The following KLHL38 variants were observed in gnomAD, a reference collection of about 807,000 sequenced individuals.
KLHL38 encodes kelch like family member 38, also known as kelch-like protein 38.
In KLHL38, 38 loss-of-function variants were observed where a neutral mutation model predicts 39.6. The observed-to-expected ratio is 0.96, with a 90% CI of 0.74 to 1.26. The LOEUF is 1.26. KLHL38 is among the 50% of genes most tolerant of loss of function. The pLI is 0.00. For synonymous variants in KLHL38, 322 were observed against 302.2 expected, an observed-to-expected ratio of 1.07 and a Z score of -0.68; for missense variants, 803 against 748.1, an observed-to-expected ratio of 1.07 and a Z score of -0.86.
rs1443685355 is a variant in KLHL38, at chr8:123,653,681, G to C, written c.-97C>G. Among the ~76,000 whole-genome samples the C allele has an allele frequency of 6.6e-6, 1 of 152,158 alleles. No individual in the cohort carries two copies. Among genetic ancestry groups the C allele is most frequent in the Non-Finnish European group, 1.5e-5 (1 of 68,036 alleles). On this transcript the variant is annotated 5_prime_UTR_variant, in exon 1 of 4. Transcript: ENST00000684634. ...CTCCAAGGGAAACCATAAACCCCAGGCCTTTCTTTCAGTTGGCAAATGATT... is the reference window on the plus strand; with the variant it reads ...CTCCAAGGGAAACCATAAACCCCAGCCCTTTCTTTCAGTTGGCAAATGATT...
At chr8:123,647,695 G>T (rs1392840049) in intron 2 of KLHL38, among the ~76,000 whole-genome samples, 1 of 152,204 alleles carries the variant, frequency 6.6e-6, no homozygotes. Flanking sequence ...GATATAGGAT[G>T]AATTTCATAT....
rs1330955062 is a variant in KLHL38 at position 123,645,522 on chromosome 8, A to G, written c.*217T>C. 5 of 583,666 alleles carry G rather than the reference A, an allele frequency of 8.6e-6. No individual in the cohort carries two copies. Among genetic ancestry groups the G allele is most frequent in the Non-Finnish European group, 1.5e-5 (5 of 329,006 alleles). The allele number at this position is 583,666 out of a possible 1,614,324, so 36.2% of individuals were successfully genotyped here. A position where few individuals can be genotyped will look rare whatever the true frequency, so the allele number is the denominator to read the frequency against. ...AGAGAAAGAAAGAAGGGGGAAAGAC[A>G]GAGACAGATGGAGGTGGGGGAGAGA... On this transcript the variant is annotated 3_prime_UTR_variant, in exon 4 of 4. Transcript: ENST00000684634.
Position 123,651,892 on chromosome 8 carries a change from C to T in KLHL38, c.1035G>A (p.Gly345=), listed in dbSNP as rs764819514. Residue 345 remains glycine, a synonymous_variant, in exon 2 of 4, where the codon GGG becomes GGA. Coordinates refer to ENST00000684634, the MANE Select transcript of KLHL38 (RefSeq NM_001081675.3). The stretch of plus-strand genomic sequence containing the variant: ...AGACATTGTGACTGACCAGACTCCT[C>T]CCTGAGCTGACAGCCATGCCCCCCA... ...YVLGGMAVSS[G]RSLVSHNVYI... is the part of the protein sequence containing the mutation. 1 of 1,614,192 alleles carries T rather than the reference C, an allele frequency of 6.2e-7. No individual in the cohort carries two copies. Among genetic ancestry groups the T allele is most frequent in the South Asian group, 1.1e-5 (1 of 91,086 alleles).
In KLHL38 at chr8:123,647,019, G is replaced by C; in HGVS notation, c.1351-5C>G. On this transcript the variant is annotated splice_polypyrimidine_tract_variant and splice_region_variant and intron_variant, in intron 2 of 3. Transcript: ENST00000684634. ...GTTTCTGGAAATGTGATAAACCTGA[G>C]GGAGAGAGAGAATCATGGCACTGCA... 6.6e-7 allele frequency: 1 copy of C among 1,504,660 alleles called. No homozygotes were observed. Among genetic ancestry groups the C allele is most frequent in the Non-Finnish European group, 9.2e-7 (1 of 1,082,126 alleles). The allele number at this position is 1,504,660 out of a possible 1,614,324, so 93.2% of individuals were successfully genotyped here. A position where few individuals can be genotyped will look rare whatever the true frequency, so the allele number is the denominator to read the frequency against.
chr8:123,647,946 T>C (rs116460174), intron 2 of KLHL38, among the ~76,000 whole-genome samples: 2,665 of 152,080 alleles, frequency 0.018, 94 homozygotes, highest in African/African-American at 0.061. Flanking sequence ...CTGCGTGTGG[T>C]AGTGCATGCC....
At position 123,652,653 on chromosome 8, in the gene KLHL38, C is replaced by T. The variant is rs200205923; in HGVS notation, c.274G>A (p.Val92Met). The stretch of plus-strand genomic sequence containing the variant: ...GCAATATGTGCCTCCCCCGTATACA[C>T]GTAGGAGACGATCTGGTCCAGGGTT... ...PPTLDQIVSY[V>M]YTGEAHIATD... The change falls in exon 2 of 4, where the codon GTG (valine) becomes ATG (methionine). Residue 92 changes from valine (V) to methionine (M), a missense_variant. By Grantham distance (21) the Val-to-Met change is conservative. Coordinates refer to ENST00000684634, the MANE Select transcript of KLHL38 (RefSeq NM_001081675.3). 1.2e-4 allele frequency: 191 copies of T among 1,614,112 alleles called. No homozygotes were observed. The highest frequency in any genetic ancestry group is 1.5e-4 in the Non-Finnish European group (172 of 1,180,050).
In KLHL38 at chr8:123,645,759, G is replaced by C. The variant is rs758719041; in HGVS notation, c.1726C>G (p.Arg576Gly). The change falls in exon 4 of 4, where the codon CGC becomes GGC. Residue 576 changes from arginine (R) to glycine (G), a missense_variant. Physicochemically the swap from Arg to Gly is moderately radical, Grantham distance 125. Coordinates refer to ENST00000684634, the MANE Select transcript of KLHL38 (RefSeq NM_001081675.3). The part of the protein sequence containing the change: ...HACLTLQCIP[R>G]TSGLP ...CGACCTCATGGGAGGCCAGACGTGC[G>C]GGGTATGCACTGGAGAGTGAGGCAG... The C allele has an allele frequency of 2.0e-5, 33 of 1,613,746 alleles. No homozygotes were observed. Among genetic ancestry groups the C allele is most frequent in the Non-Finnish European group, 2.8e-5 (33 of 1,179,788 alleles).
chr8:123,652,249 G>A lies in KLHL38; in HGVS notation c.678C>T (p.Tyr226=), dbSNP rs557825153. Residue 226 remains tyrosine (Y), a synonymous_variant, in exon 2 of 4, where the codon TAC becomes TAT. Transcript: ENST00000684634. ...AGTGGTGAAAGAAGGCTGGGTGGAT[G>A]TACTGCAGCCTGACCTGCTTGAACA... ...QELFKQVRLQ[Y]IHPAFFHHFI... is the part of the protein sequence containing the mutation. 4 of 1,614,150 alleles carry A rather than the reference G, an allele frequency of 2.5e-6. No individual in the cohort carries two copies. In the South Asian group the frequency reaches 4.4e-5, roughly 18 times the overall value.
In KLHL38 at chr8:123,651,665, A is replaced by T; in HGVS notation, c.1262T>A (p.Val421Glu). ...TTTCACAGCGACTGCGGGGTGGAGC[A>T]CCCCCACGGGCATGCTGGCCATACT... ...WESMASMPVG[V>E]LHPAVAVKDQ... Residue 421 changes from valine (V) to glutamate (E), a missense_variant, in exon 2 of 4, where the codon GTG (valine) becomes GAG (glutamate). Transcript: ENST00000684634. 6.2e-7 allele frequency: 1 copy of T among 1,613,870 alleles called. No homozygotes were observed. The highest frequency in any genetic ancestry group is 1.1e-5 in the South Asian group (1 of 91,056).
chr8:123,645,844 G>T lies in KLHL38; in HGVS notation c.1641C>A (p.Asp547Glu). ...IEDSASFDCY[D>E]PETDTWTSQG... ...GGGATGTCCAGGTGTCCGTCTCGGGGTCGTAGCAATCGAAGGAGGCGGAGT... is the reference window on the plus strand; with the variant it reads ...GGGATGTCCAGGTGTCCGTCTCGGGTTCGTAGCAATCGAAGGAGGCGGAGT... Residue 547 changes from aspartate to glutamate, a missense_variant, in exon 4 of 4, where the codon GAC (aspartate) becomes GAA (glutamate). Transcript: ENST00000684634. 3 of 1,613,992 alleles carry T rather than the reference G, an allele frequency of 1.9e-6. No individual in the cohort carries two copies. The highest frequency in any genetic ancestry group is 2.5e-6 in the Non-Finnish European group (3 of 1,180,016).
At chr8:123,649,114 G>A (rs983567636) in intron 2 of KLHL38, among the ~76,000 whole-genome samples, 1 of 152,198 alleles carries the variant, frequency 6.6e-6, no homozygotes, top group African/African-American at 2.4e-5. Flanking sequence ...TGATATGCTA[G>A]CTTGAAGCTT....
rs548711113 is a variant in KLHL38, at chr8:123,645,580, G to A, written c.*159C>T. Reference sequence around the variant, plus strand: ...AGAGAGGCAGAGAAGGAGAGAGAGAGTTCTGGCAATGCAATGCCTAGTTCC... The same window carrying A: ...AGAGAGGCAGAGAAGGAGAGAGAGAATTCTGGCAATGCAATGCCTAGTTCC... On this transcript the variant is annotated 3_prime_UTR_variant, in exon 4 of 4. Coordinates refer to ENST00000684634, the MANE Select transcript of KLHL38 (RefSeq NM_001081675.3). 53 of 662,944 alleles carry A rather than the reference G, an allele frequency of 8.0e-5. No homozygotes were observed. Among genetic ancestry groups the A allele is most frequent in the Middle Eastern group, 8.4e-4 (2 of 2,384 alleles). 41.1% of individuals were successfully genotyped at this position (662,944 alleles called of 1,614,324 possible).
At chr8:123,646,616 G>A (rs76305881) in intron 3 of KLHL38, among the ~76,000 whole-genome samples, 3,976 of 152,244 alleles carry the variant, frequency 0.026, 163 homozygotes, top group African/African-American at 0.084. Context: ...AAGCAAACAT[G>A]TTTTATTTAC....
intron 2 of KLHL38, among the ~76,000 whole-genome samples, chr8:123,650,397 G>A (rs139215641): frequency 2.0e-5 from 3 of 152,188 alleles, no homozygotes; most frequent in South Asian, 2.1e-4. Context: ...GGCTGTATGC[G>A]TGTTGGGCAA....
rs1004864714 is a variant in KLHL38 at position 123,652,683 on chromosome 8, G to C, written c.244C>G (p.Pro82Ala). ...GAGACGATCTGGTCCAGGGTTGGGGGGTCAATGCCTTTCAGCTGCACTTTG... is the reference window on the plus strand; with the variant it reads ...GAGACGATCTGGTCCAGGGTTGGGGCGTCAATGCCTTTCAGCTGCACTTTG... Reference protein sequence around the residue: ...EAKVQLKGIDPPTLDQIVSYV... With the variant: ...EAKVQLKGIDAPTLDQIVSYV... Residue 82 changes from proline (P) to alanine (A), a missense_variant, in exon 2 of 4, where the codon CCC becomes GCC. Coordinates refer to ENST00000684634, the MANE Select transcript of KLHL38 (RefSeq NM_001081675.3). 2.5e-6 allele frequency: 4 copies of C among 1,614,088 alleles called. No individual in the cohort carries two copies. Among genetic ancestry groups the C allele is most frequent in the Admixed American group, 1.7e-5 (1 of 60,000 alleles).
At chr8:123,651,541 C>T (rs1371704741) in intron 2 of KLHL38, 36 bp downstream of exon 2, 1 of 1,534,526 alleles carries the variant, frequency 6.5e-7, no homozygotes, top group South Asian at 1.3e-5. Flanking sequence ...CACACATACT[C>T]ATGCAGTTAC....
Position 123,651,775 on chromosome 8 carries a change from G to A in KLHL38, c.1152C>T (p.Phe384=). Residue 384 remains phenylalanine (F), a synonymous_variant, in exon 2 of 4, where the codon TTC becomes TTT. Coordinates refer to ENST00000684634, the MANE Select transcript of KLHL38 (RefSeq NM_001081675.3). The part of the protein sequence containing the change: ...YSHRSTAHKN[F]IFSIGGIGEG... ...CTCCAATCCCCCCGATGGAGAAGATGAAGTTCTTATGGGCAGTGCTTCTGT... is the reference window on the plus strand; with the variant it reads ...CTCCAATCCCCCCGATGGAGAAGATAAAGTTCTTATGGGCAGTGCTTCTGT... 1.2e-6 allele frequency: 2 copies of A among 1,614,144 alleles called. No individual in the cohort carries two copies. The highest frequency in any genetic ancestry group is 1.1e-5 in the South Asian group (1 of 91,070).
In KLHL38 at chr8:123,652,837, G is replaced by A; in HGVS notation, c.90C>T (p.Ser30=). The A allele has an allele frequency of 6.2e-7, 1 of 1,611,636 alleles. No individual in the cohort carries two copies. The highest frequency in any genetic ancestry group is 8.5e-7 in the Non-Finnish European group (1 of 1,180,014). ...LLRQLNSLRQ[S]RILTDVSICA... The stretch of plus-strand genomic sequence containing the variant: ...AGATGCTCACATCAGTCAGGATCCT[G>A]CTTTGCCTTAAGCTGTTGAGCTGCC... The change falls in exon 2 of 4, where the codon AGC becomes AGT. Residue 30 remains serine (S), a synonymous_variant. Coordinates refer to ENST00000684634, the MANE Select transcript of KLHL38 (RefSeq NM_001081675.3).
chr8:123,647,065 G>GA (rs1276472324), intron 2 of KLHL38, 51 bp from the exon 3 acceptor site: 2 of 1,045,020 alleles, frequency 1.9e-6, no homozygotes, highest in East Asian at 4.8e-5. Flanking sequence ...AAATATTCTT[G>GA]AAAAAAGACA....
Sources: gnomAD v4.1 joint callset for allele counts (sites outside exome capture counted in the v4.1 genomes callset) on GRCh38, gnomAD v4.1.1 for gene constraint, MANE v1.5 for transcripts, NCBI Gene and HGNC (gene_info 2026-07-23, HGNC 2026-07-21) for gene names.